SRGAP3: variants seen among roughly 807,000 people sequenced by gnomAD.
SRGAP3 encodes SLIT-ROBO Rho GTPase-activating protein 3.
SRGAP3 carries 39 observed loss-of-function variants against 121.1 expected under a neutral mutation model. The ratio of observed to expected loss-of-function variants is 0.32; its 90% CI spans 0.25 to 0.42. The LOEUF is 0.42. Among genes scored for constraint, SRGAP3 ranks in the 10% least tolerant of loss-of-function variants. The probability of loss-of-function intolerance (pLI) is 1.00; values close to 1 mark genes in which losing one functional copy is unlikely to be tolerated. For missense variants in SRGAP3, 1,213 were observed against 1,470.6 expected, an observed-to-expected ratio of 0.82 and a Z score of 2.86; for synonymous variants, 601 against 570.0, an observed-to-expected ratio of 1.05 and a Z score of -0.77.
intron 18 of SRGAP3, chr3:9,007,336 G>C (rs1170576984): frequency 6.6e-6 from 1 of 152,110 alleles, no homozygotes; most frequent in African/African-American, 2.4e-5. Flanking sequence ...CTGCAATTTG[G>C]CATTCATTGG....
intron 3 of SRGAP3, among the ~76,000 whole-genome samples, chr3:9,083,907 C>G (rs1947345683): frequency 6.6e-6 from 1 of 152,150 alleles, no homozygotes; most frequent in Non-Finnish European, 1.5e-5. Flanking sequence ...GCCCAGGAGA[C>G]CTTCAGCCCA....
At chr3:9,112,368 G>A (rs1056286779) in intron 2 of SRGAP3, among the ~76,000 whole-genome samples, 2 of 152,326 alleles carry the variant, frequency 1.3e-5, no homozygotes, top group Non-Finnish European at 2.9e-5. Context: ...GCCCCAAGCA[G>A]GATTCAGCAT....
intron 1 of SRGAP3, among the ~76,000 whole-genome samples, chr3:9,155,733 G>C (rs1478631967): frequency 6.6e-6 from 1 of 152,100 alleles, no homozygotes; most frequent in Non-Finnish European, 1.5e-5. Context: ...CTGATTTCTA[G>C]TTGATTCTTT....
At chr3:9,329,060 A>G (rs1183684855) in intron 2 of SRGAP3, among the ~76,000 whole-genome samples, 1 of 152,170 alleles carries the variant, frequency 6.6e-6, no homozygotes, top group Non-Finnish European at 1.5e-5. Context: ...TTGTTGGGCC[A>G]TCCTGAGCAC....
rs777317426 is a variant in SRGAP3 at position 8,985,606 on chromosome 3, G to A, written c.3213C>T (p.Ser1071=). 56 of 1,597,470 alleles carry A rather than the reference G, an allele frequency of 3.5e-5. No individual in the cohort carries two copies. The highest frequency in any genetic ancestry group is 4.7e-5 in the Non-Finnish European group (55 of 1,179,092). ...RPVVQHRSSS[S]SSSGVGSPAV... is the part of the protein sequence containing the mutation. Reference sequence around the variant, plus strand: ...CCGGGCTGCCCACGCCCGAGCTGCTGCTGCTGCTGGACCGGTGCTGGACCA... The same window carrying A: ...CCGGGCTGCCCACGCCCGAGCTGCTACTGCTGCTGGACCGGTGCTGGACCA... The change falls in exon 22 of 22, where the codon AGC becomes AGT. Residue 1071 remains serine (S), a synonymous_variant. Transcript: ENST00000383836. The surrounding 1 kb of genome is among the most constrained non-coding windows in gnomAD (Gnocchi z 5.1).
intron 1 of SRGAP3, among the ~76,000 whole-genome samples, chr3:9,162,779 C>T (rs1375591028): frequency 6.6e-6 from 1 of 152,240 alleles, no homozygotes; most frequent in Non-Finnish European, 1.5e-5. Flanking sequence ...TCAGCTTCCA[C>T]ATCTGTGAAA....
At chr3:9,277,179 T>C (rs1311056373) in intron 3 of SRGAP3, among the ~76,000 whole-genome samples, 3 of 152,246 alleles carry the variant, frequency 2.0e-5, no homozygotes, top group Non-Finnish European at 4.4e-5. Context: ...ACATGCATTG[T>C]CTTCATTTAA....
Position 9,319,868 on chromosome 3 carries a change from G to T in SRGAP3, n.442+6142C>A, listed in dbSNP as rs541982658. On this transcript the variant is annotated intron_variant and non_coding_transcript_variant, in intron 3 of 3. Coordinates refer to the SRGAP3 transcript ENST00000490889. ...GTGAGAGTAAGAAGTGCAAAGCCAG[G>T]ACAGGCTCAGGGGAGCAGGGAGCAG... is the stretch of plus-strand genomic sequence containing the variant. 5.3e-5 allele frequency among the ~76,000 whole-genome samples: 8 copies of T among 152,060 alleles called. No homozygotes were observed. In the South Asian group the frequency reaches 1.7e-3, roughly 31 times the overall value.
chr3:9,148,567 C>A (rs1350270061), intron 1 of SRGAP3, among the ~76,000 whole-genome samples: 2 of 152,220 alleles, frequency 1.3e-5, no homozygotes, highest in African/African-American at 2.4e-5. Flanking sequence ...TACCTTACAA[C>A]CACAGAGTGT....
intron 3 of SRGAP3, among the ~76,000 whole-genome samples, chr3:9,309,024 A>G (rs1955200956): frequency 6.6e-6 from 1 of 152,190 alleles, no homozygotes; most frequent in Non-Finnish European, 1.5e-5. Flanking sequence ...GCTTTGGCCA[A>G]TGGAACATTA....
At chr3:9,008,736 C>T (rs947954599) in intron 18 of SRGAP3, among the ~76,000 whole-genome samples, 2 of 152,186 alleles carry the variant, frequency 1.3e-5, no homozygotes, top group Non-Finnish European at 2.9e-5. Context: ...TCAAGCTGAA[C>T]GTGACATCTG....
At chr3:9,005,477 CAT>C (rs75038536) in intron 18 of SRGAP3, among the ~76,000 whole-genome samples, 10,693 of 152,266 alleles carry the variant, frequency 0.07, 376 homozygotes, top group Middle Eastern at 0.12. Context: ...CTTGCACACA[CAT>C]GTTTGCAGCA....
intron 1 of SRGAP3, among the ~76,000 whole-genome samples, chr3:9,131,845 C>T (rs886923854): frequency 1.3e-5 from 2 of 152,128 alleles, no homozygotes; most frequent in African/African-American, 4.8e-5. Flanking sequence ...AGGATCAAAG[C>T]CAAACTCCTC....
At chr3:9,294,515 A>C (rs1421277347) in intron 3 of SRGAP3, among the ~76,000 whole-genome samples, 1 of 149,706 alleles carries the variant, frequency 6.7e-6, no homozygotes, top group Non-Finnish European at 1.5e-5. Flanking sequence ...TGTATCCTGG[A>C]ACTTAAAATA....
chr3:9,072,799 G>C (rs1016134315), intron 4 of SRGAP3, among the ~76,000 whole-genome samples: 4 of 152,234 alleles, frequency 2.6e-5, no homozygotes, highest in African/African-American at 9.6e-5. Context: ...TGCCAAACTG[G>C]ACACTAGTAA....
chr3:9,220,829 A>T (rs960495816), intron 1 of SRGAP3, among the ~76,000 whole-genome samples: 3 of 152,222 alleles, frequency 2.0e-5, no homozygotes, highest in Non-Finnish European at 4.4e-5. Flanking sequence ...CAAATGGGAC[A>T]CACACAGGAA....
rs903885031 is a variant in SRGAP3 at position 9,037,684 on chromosome 3, C to T, written c.1436+379G>A. The T allele has an allele frequency of 1.2e-5, 4 of 320,406 alleles. 1 individual carries two copies. In the South Asian group the frequency reaches 1.5e-4, roughly 12 times the overall value. 19.8% of individuals were successfully genotyped at this position (320,406 alleles called of 1,614,324 possible). On this transcript the variant is annotated intron_variant, in intron 11 of 21. Transcript: ENST00000383836. ...TCGCAGCATGGCTGGGCAGTTTGCT[C>T]AGCATGGTGTAGCAGGTGGGAAGAG...
chr3:9,358,047 G>C (rs1465819568), intron 1 of SRGAP3, among the ~76,000 whole-genome samples: 2 of 152,064 alleles, frequency 1.3e-5, no homozygotes, highest in South Asian at 2.1e-4. Flanking sequence ...GCTAGTTTTT[G>C]TATTTTTAGT....
intron 3 of SRGAP3, among the ~76,000 whole-genome samples, chr3:9,259,026 A>G (rs1954195712): frequency 6.6e-6 from 1 of 152,124 alleles, no homozygotes; most frequent in Admixed American, 6.5e-5. Flanking sequence ...TCCTAAGCCC[A>G]TCTCTTGCTT....
Sources: allele counts gnomAD v4.1 joint callset (sites outside exome capture counted in the v4.1 genomes callset), GRCh38; gene constraint gnomAD v4.1.1; non-coding constraint Gnocchi (gnomAD v3.1); transcripts MANE v1.5; gene names NCBI Gene and HGNC (gene_info 2026-07-23, HGNC 2026-07-21).